CDK8: variants seen among roughly 807,000 people sequenced by gnomAD.
CDK8 encodes the protein cyclin-dependent kinase 8.
CDK8 carries 29 observed loss-of-function variants against 71.5 expected under a neutral mutation model. The ratio of observed to expected loss-of-function variants is 0.41; its 90% CI spans 0.30 to 0.55. The LOEUF is 0.55. CDK8 is among the 20% of genes least tolerant of loss of function. The probability of loss-of-function intolerance (pLI) is 0.37; values close to 1 mark genes in which losing one functional copy is unlikely to be tolerated. For synonymous variants in CDK8, 161 were observed against 192.1 expected (o/e 0.84, Z 1.34); for missense variants, 288 against 572.6 (o/e 0.50, Z 5.07).
Position 26,390,360 on chromosome 13 carries a change from A to G in CDK8, c.647-3007A>G, listed in dbSNP as rs9581660. On this transcript the variant is annotated intron_variant, in intron 6 of 12. Coordinates refer to ENST00000381527, the MANE Select transcript of CDK8 (RefSeq NM_001260.3). ...TCTGATCAGAACGCATCAAACTCAC[A>G]TATGCCCCATCTACTACAAACAGAT... Among the ~76,000 whole-genome samples the G allele has an allele frequency of 6.9e-3, 1,045 of 152,286 alleles. 9 individuals are homozygous for G. Among genetic ancestry groups the G allele is most frequent in the Middle Eastern group, 0.024 (7 of 294 alleles).
intron 1 of CDK8, among the ~76,000 whole-genome samples, chr13:26,306,697 C>T (rs1014113114): frequency 2.7e-5 from 4 of 148,376 alleles, no homozygotes; most frequent in Admixed American, 1.4e-4. Context: ...GGCATTATCT[C>T]AGCTTACTGT....
In CDK8 at chr13:26,302,706, T is replaced by G. The variant is rs143573184; in HGVS notation, c.129-34861T>G. Among the ~76,000 whole-genome samples the G allele has an allele frequency of 4.0e-3, 610 of 152,272 alleles. 5 individuals carry two copies. Among genetic ancestry groups the G allele is most frequent in the African/African-American group, 0.013 (559 of 41,548 alleles). ...TCATTGTTATAGTTTAGGGGAGAGATATTGATGGGGGAGAGTATCCCCAAG... is the reference window on the plus strand; with the variant it reads ...TCATTGTTATAGTTTAGGGGAGAGAGATTGATGGGGGAGAGTATCCCCAAG... On this transcript the variant is annotated intron_variant, in intron 1 of 12. Transcript: ENST00000381527.
At position 26,398,768 on chromosome 13, in the gene CDK8, T is replaced by C. The variant is rs560258708; in HGVS notation, c.933+1543T>C. On this transcript the variant is annotated intron_variant, in intron 9 of 12. Transcript: ENST00000381527. ...GCGGGCGGATCACAAGGTCAGGAGA[T>C]TGAGACCATCCTGGCCAATGTGGTG... is the stretch of plus-strand genomic sequence containing the variant. Among the ~76,000 whole-genome samples the C allele has an allele frequency of 7.9e-5, 12 of 151,976 alleles. No individual in the cohort carries two copies. In the South Asian group the frequency reaches 2.5e-3, roughly 32 times the overall value.
In CDK8 at chr13:26,404,610, A is replaced by C. The variant is rs1262030296; in HGVS notation, c.*529A>C. The C allele has an allele frequency of 4.3e-6, 1 of 231,700 alleles. No individual in the cohort carries two copies. The highest frequency in any genetic ancestry group is 2.2e-5 in the African/African-American group (1 of 45,258). The allele number at this position is 231,700 out of a possible 1,614,324, so 14.4% of individuals were successfully genotyped here. A position where few individuals can be genotyped will look rare whatever the true frequency, so the allele number is the denominator to read the frequency against. On this transcript the variant is annotated 3_prime_UTR_variant, in exon 13 of 13. Coordinates refer to ENST00000381527, the MANE Select transcript of CDK8 (RefSeq NM_001260.3). ...AGTGGGCTGATTCATTTTCTACATT[A>C]ATCAGTGTTTTCTGACCAAGAATAT...
chr13:26,308,835 T>G (rs1874157822), intron 1 of CDK8, among the ~76,000 whole-genome samples: 1 of 152,224 alleles, frequency 6.6e-6, no homozygotes, highest in Admixed American at 6.5e-5. Context: ...TAACTGTACT[T>G]GCTAATGTCA....
At chr13:26,389,070 T>TA (rs1875616513) in intron 6 of CDK8, among the ~76,000 whole-genome samples, 11 of 152,158 alleles carry the variant, frequency 7.2e-5, no homozygotes, top group Admixed American at 5.9e-4. Context: ...CTCTGGGGTG[T>TA]GTTTACGCAT....
At chr13:26,374,293 G>C (rs756278966) in intron 4 of CDK8, among the ~76,000 whole-genome samples, 1 of 151,984 alleles carries the variant, frequency 6.6e-6, no homozygotes, top group African/African-American at 2.4e-5. Flanking sequence ...GCTCATTATC[G>C]TCAGTAAGTA....
intron 4 of CDK8, among the ~76,000 whole-genome samples, chr13:26,377,830 C>A (rs1047923594): frequency 6.6e-6 from 1 of 152,082 alleles, no homozygotes; most frequent in Non-Finnish European, 1.5e-5. Flanking sequence ...TCTCATAGGA[C>A]TTTTGAAATG....
intron 1 of CDK8, among the ~76,000 whole-genome samples, chr13:26,319,330 G>A (rs947875620): frequency 2.0e-5 from 3 of 152,030 alleles, no homozygotes; most frequent in Admixed American, 6.6e-5. Flanking sequence ...ACAGCTGGGC[G>A]TGGTGGCGGA....
At chr13:26,347,391 G>A (rs1452733058) in intron 2 of CDK8, among the ~76,000 whole-genome samples, 1 of 152,258 alleles carries the variant, frequency 6.6e-6, no homozygotes, top group East Asian at 1.9e-4. Flanking sequence ...GTTAATGAAT[G>A]TTGCATCTTC....
At chr13:26,340,965 A>T (rs1190250817) in intron 2 of CDK8, among the ~76,000 whole-genome samples, 1 of 152,178 alleles carries the variant, frequency 6.6e-6, no homozygotes, top group Admixed American at 6.5e-5. Flanking sequence ...TACATTGTCA[A>T]AATTTCCTGT....
chr13:26,361,555 T>C (rs1470007400), intron 4 of CDK8, among the ~76,000 whole-genome samples: 6 of 152,130 alleles, frequency 3.9e-5, no homozygotes, highest in Admixed American at 3.9e-4. Flanking sequence ...GAGCATCTCA[T>C]GTGATTTATT....
intron 1 of CDK8, among the ~76,000 whole-genome samples, chr13:26,286,753 GTGCATC>G (rs1353804135): frequency 1.3e-5 from 2 of 152,110 alleles, no homozygotes; most frequent in Non-Finnish European, 2.9e-5. Context: ...ATTCTCAACT[GTGCATC>G]TGACAAAGGA....
chr13:26,353,589 A>G (rs934812265), intron 3 of CDK8, 151 bp from the exon 4 acceptor site: 1 of 607,256 alleles, frequency 1.6e-6, no homozygotes, highest in African/African-American at 1.9e-5. Flanking sequence ...GGAATTTTAA[A>G]GTTGTTTATG....
At chr13:26,298,805 C>T (rs574016000) in intron 1 of CDK8, among the ~76,000 whole-genome samples, 54 of 152,230 alleles carry the variant, frequency 3.5e-4, no homozygotes, top group South Asian at 2.3e-3. Context: ...ATTTTAGTGA[C>T]GCTTTTCCGG....
chr13:26,293,895 G>A lies in CDK8; in HGVS notation c.128+39126G>A, dbSNP rs565153894. On this transcript the variant is annotated intron_variant, in intron 1 of 12. Transcript: ENST00000381527. ...ATTTTTCCTGCTTAATTGAAATTTG[G>A]TATACTTTTGCAAACCTCTCCCCAA... is the stretch of plus-strand genomic sequence containing the variant. Among the ~76,000 whole-genome samples the A allele has an allele frequency of 1.0e-3, 156 of 151,708 alleles. 1 individual carries two copies. Among genetic ancestry groups the A allele is most frequent in the African/African-American group, 3.7e-3 (152 of 41,356 alleles).
At chr13:26,398,745 G>A (rs547476508) in intron 9 of CDK8, among the ~76,000 whole-genome samples, 6 of 152,128 alleles carry the variant, frequency 3.9e-5, no homozygotes, top group South Asian at 4.1e-4. Context: ...AGGCCGAGGC[G>A]GGCGGATCAC....
intron 6 of CDK8, among the ~76,000 whole-genome samples, chr13:26,392,529 T>A (rs1159509750): frequency 6.6e-6 from 1 of 152,092 alleles, no homozygotes; most frequent in Non-Finnish European, 1.5e-5. Flanking sequence ...GATTTAACTA[T>A]GTTGGCCAGG....
chr13:26,380,476 C>T (rs913916874), intron 4 of CDK8, among the ~76,000 whole-genome samples: 4 of 151,824 alleles, frequency 2.6e-5, no homozygotes, highest in African/African-American at 7.3e-5. Flanking sequence ...CCCCCGTGCC[C>T]GGCCTTTTTT....
Sources: allele counts gnomAD v4.1 joint callset (sites outside exome capture counted in the v4.1 genomes callset), GRCh38; gene constraint gnomAD v4.1.1; transcripts MANE v1.5; gene names NCBI Gene and HGNC (gene_info 2026-07-23, HGNC 2026-07-21).